The following RAP1GAP2 variants were observed in gnomAD, a reference collection of about 807,000 sequenced individuals.
RAP1GAP2 encodes rap1 GTPase-activating protein 2.
A neutral mutation model predicts 95.0 loss-of-function variants in RAP1GAP2; 27 were observed. That is an observed-to-expected ratio of 0.28 (90% CI 0.21 to 0.39). The LOEUF (loss-of-function observed/expected upper bound fraction) is 0.39, where lower values mean the gene tolerates loss of function less well. RAP1GAP2 is among the 10% of genes least tolerant of loss of function. The pLI, the probability that RAP1GAP2 is intolerant of heterozygous loss-of-function variation, is 1.00. For missense variants in RAP1GAP2, 771 were observed against 970.0 expected (o/e 0.79, Z 2.72); for synonymous variants, 373 against 380.9 (o/e 0.98, Z 0.24).
At position 2,965,829 on chromosome 17, in the gene RAP1GAP2, C is replaced by T. The variant is rs576175328; in HGVS notation, c.596+186C>T. The T allele has an allele frequency of 4.1e-5, 24 of 589,024 alleles. No homozygotes were observed. Among genetic ancestry groups the T allele is most frequent in the African/African-American group, 2.2e-4 (12 of 53,820 alleles). 36.5% of individuals were successfully genotyped at this position (589,024 alleles called of 1,614,324 possible). On this transcript the variant is annotated intron_variant, in intron 8 of 24. Transcript: ENST00000254695. The surrounding 1 kb of genome is among the most constrained non-coding windows in gnomAD (Gnocchi z 4.7). ...AAGTTGCCTAGCAGGGAGACCCACG[C>T]GCTCCACCAGTTAGCTGACAGTCAG...
chr17:2,853,369 T>A (rs566497523), intron 2 of RAP1GAP2, among the ~76,000 whole-genome samples: 4 of 151,728 alleles, frequency 2.6e-5, no homozygotes, highest in African/African-American at 9.7e-5. Context: ...TCTTGGTGCC[T>A]GTTTTCTCTC....
intron 1 of RAP1GAP2, chr17:2,770,284 T>C: frequency 1.0e-5 from 4 of 398,468 alleles, no homozygotes; most frequent in Non-Finnish European, 1.8e-5. Flanking sequence ...CAAGGAGCTC[T>C]GCAGAGCTCA....
intron 2 of RAP1GAP2, among the ~76,000 whole-genome samples, chr17:2,854,778 C>T (rs2072061189): frequency 6.6e-6 from 1 of 152,198 alleles, no homozygotes. Flanking sequence ...GCAACCGCAG[C>T]TGCAGGTCTG....
In RAP1GAP2 at chr17:2,945,718, A is replaced by G. The variant is rs369691827; in HGVS notation, c.166-12041A>G. ...CTTTTGTCGTGCTCTTTCTGTATCA[A>G]TTGAGATAATCATGTATTTTTTCTT... On this transcript the variant is annotated intron_variant, in intron 3 of 24. Transcript: ENST00000254695. 7.9e-5 allele frequency among the ~76,000 whole-genome samples: 12 copies of G among 151,762 alleles called. 1 individual carries two copies. Among genetic ancestry groups the G allele is most frequent in the African/African-American group, 1.7e-4 (7 of 41,364 alleles).
intron 3 of RAP1GAP2, among the ~76,000 whole-genome samples, chr17:2,956,618 G>A (rs894089441): frequency 4.6e-5 from 7 of 152,226 alleles, no homozygotes; most frequent in Admixed American, 2.6e-4. Context: ...CCGGCTTCGC[G>A]GTGCCCAGAT....
chr17:2,929,267 G>C (rs2043063678), intron 3 of RAP1GAP2, among the ~76,000 whole-genome samples: 1 of 152,160 alleles, frequency 6.6e-6, no homozygotes, highest in Non-Finnish European at 1.5e-5. Flanking sequence ...CTTTGGGGAA[G>C]CTCATGCAGA....
chr17:2,917,968 G>A lies in RAP1GAP2; in HGVS notation c.165+12600G>A, dbSNP rs980301678. Among the ~76,000 whole-genome samples the A allele has an allele frequency of 5.3e-5, 8 of 152,118 alleles. No homozygotes were observed. The East Asian group carries it at 7.8e-4, about 15-fold the overall frequency. On this transcript the variant is annotated intron_variant, in intron 3 of 24. Coordinates refer to ENST00000254695, the MANE Select transcript of RAP1GAP2 (RefSeq NM_015085.5). ...TGACCTCAGGTGATCCACCTGCCTCGGCCTCCGGAAGTGCTGGGATTACAG... is the reference window on the plus strand; with the variant it reads ...TGACCTCAGGTGATCCACCTGCCTCAGCCTCCGGAAGTGCTGGGATTACAG...
intron 8 of RAP1GAP2, among the ~76,000 whole-genome samples, chr17:2,968,797 TAAAG>T (rs1053635207): frequency 3.3e-5 from 5 of 152,018 alleles, no homozygotes; most frequent in Non-Finnish European, 4.4e-5. Context: ...TATATTTTAT[TAAAG>T]AAAGTAACTC....
At chr17:2,758,376 A>G (rs1411204384) in intron 1 of RAP1GAP2, among the ~76,000 whole-genome samples, 2 of 151,084 alleles carry the variant, frequency 1.3e-5, no homozygotes, top group South Asian at 2.1e-4. Flanking sequence ...GGGTTTCACC[A>G]TGTTGGCCAG....
intron 2 of RAP1GAP2, among the ~76,000 whole-genome samples, chr17:2,828,960 C>T (rs1178248779): frequency 2.0e-5 from 3 of 150,050 alleles, no homozygotes; most frequent in African/African-American, 7.4e-5. Flanking sequence ...GGGGCAGGTT[C>T]CTGTCTCAAA....
chr17:2,853,642 C>CG (rs2071985426), intron 2 of RAP1GAP2, among the ~76,000 whole-genome samples: 1 of 145,188 alleles, frequency 6.9e-6, no homozygotes, highest in African/African-American at 2.5e-5. Flanking sequence ...TCCGGGCGGC[C>CG]GAGGCCGGGG....
chr17:2,940,389 G>C (rs927878858), intron 3 of RAP1GAP2, among the ~76,000 whole-genome samples: 1 of 152,244 alleles, frequency 6.6e-6, no homozygotes, highest in Non-Finnish European at 1.5e-5. Context: ...CTCTGGGAAG[G>C]CTTCTCGGCT....
intron 2 of RAP1GAP2, among the ~76,000 whole-genome samples, chr17:2,837,353 GC>G (rs2071176786): frequency 6.6e-6 from 1 of 151,878 alleles, no homozygotes; most frequent in Non-Finnish European, 1.5e-5. Context: ...GAAAGGGGCA[GC>G]CCCGTATAAA....
intron 3 of RAP1GAP2, among the ~76,000 whole-genome samples, chr17:2,914,091 T>C (rs1305121129): frequency 6.6e-6 from 1 of 152,124 alleles, no homozygotes; most frequent in Non-Finnish European, 1.5e-5. Context: ...CAGGATGGTC[T>C]CGAACTCCCA....
rs1348961756 is a variant in RAP1GAP2 at position 2,827,709 on chromosome 17, C to T, written c.80+27159C>T. Among the ~76,000 whole-genome samples the T allele has an allele frequency of 1.4e-4, 21 of 152,054 alleles. 1 individual carries two copies. Among genetic ancestry groups the T allele is most frequent in the Admixed American group, 1.4e-3 (21 of 15,260 alleles). On this transcript the variant is annotated intron_variant, in intron 2 of 24. Transcript: ENST00000254695. This position sits in a 1 kb window ranked among gnomAD's most constrained non-coding sequence, Gnocchi z 4.1. ...TGTAATCCCCAAGCTCTTCTCCCAG[C>T]CCACCCGGCACCAGCCAGTTTGAGC... is the stretch of plus-strand genomic sequence containing the variant.
intron 2 of RAP1GAP2, among the ~76,000 whole-genome samples, chr17:2,897,067 T>C (rs2041855721): frequency 6.6e-6 from 1 of 152,232 alleles, no homozygotes; most frequent in Admixed American, 6.5e-5. Context: ...CCAGGTGCGC[T>C]GGCTCACGCC....
At chr17:2,959,155 C>T (rs769686897) in intron 4 of RAP1GAP2, among the ~76,000 whole-genome samples, 7 of 152,076 alleles carry the variant, frequency 4.6e-5, no homozygotes, top group Non-Finnish European at 8.8e-5. Flanking sequence ...GCCTTCTCTC[C>T]GGTTGCTCCT....
At chr17:2,819,046 TCTCA>T (rs1170652399) in intron 2 of RAP1GAP2, among the ~76,000 whole-genome samples, 6 of 150,388 alleles carry the variant, frequency 4.0e-5, no homozygotes, top group African/African-American at 1.2e-4. Flanking sequence ...TGAGACAGAG[TCTCA>T]CTCTGTCGCC....
chr17:2,964,172 G>A, intron 7 of RAP1GAP2, 104 bp downstream of exon 7: 2 of 1,028,728 alleles, frequency 1.9e-6, no homozygotes, highest in East Asian at 2.7e-5. Flanking sequence ...GTTGAGGGAG[G>A]CTGTGGGAGG....
Sources: gnomAD v4.1 joint callset for allele counts (sites outside exome capture counted in the v4.1 genomes callset) on GRCh38, gnomAD v4.1.1 for gene constraint, Gnocchi (gnomAD v3.1) non-coding constraint, MANE v1.5 for transcripts, NCBI Gene and HGNC (gene_info 2026-07-23, HGNC 2026-07-21) for gene names.